The following SLC22A14 variants were observed in gnomAD, a reference collection of about 807,000 sequenced individuals.
The protein encoded by SLC22A14 is solute carrier family 22 member 14, also known as organic cation transporter-like 4.
A neutral mutation model predicts 53.9 loss-of-function variants in SLC22A14; 50 were observed. The ratio of observed to expected loss-of-function variants is 0.93; its 90% CI spans 0.74 to 1.17. SLC22A14 has a LOEUF of 1.17. Ranked by LOEUF, SLC22A14 falls within the 50% of genes most tolerant of loss-of-function variation. SLC22A14 has a pLI of 0.00. For synonymous variants in SLC22A14, 312 were observed against 303.0 expected (o/e 1.03, Z -0.31); for missense variants, 671 against 734.7 (o/e 0.91, Z 1.00).
At chr3:38,312,962 A>C (rs774236730) in intron 5 of SLC22A14, 37 bp from the exon 6 acceptor site, 1 of 1,566,232 alleles carries the variant, frequency 6.4e-7, no homozygotes, top group East Asian at 2.3e-5. Context: ...TCTGGGCATC[A>C]TAGAACGGTG....
chr3:38,300,125 A>G (rs778740752), intron 1 of SLC22A14, among the ~76,000 whole-genome samples: 25 of 152,234 alleles, frequency 1.6e-4, no homozygotes, highest in Non-Finnish European at 1.2e-4. Context: ...GCAATTCACC[A>G]GAAGCATTCA....
intron 1 of SLC22A14, among the ~76,000 whole-genome samples, chr3:38,285,909 A>G (rs1470950060): frequency 6.6e-6 from 1 of 152,232 alleles, no homozygotes; most frequent in Non-Finnish European, 1.5e-5. Flanking sequence ...TGTATGCAAG[A>G]TAGTTTTCTC....
At chr3:38,308,914 C>T (rs1704389196) in intron 4 of SLC22A14, 40 bp from the exon 5 acceptor site, 5 of 1,598,664 alleles carry the variant, frequency 3.1e-6, no homozygotes, top group Non-Finnish European at 4.3e-6. Flanking sequence ...CCTGGGGACC[C>T]TGACGTAACC....
At chr3:38,283,866 A>G (rs1484752018) in intron 1 of SLC22A14, among the ~76,000 whole-genome samples, 1 of 152,158 alleles carries the variant, frequency 6.6e-6, no homozygotes, top group African/African-American at 2.4e-5. Flanking sequence ...ATAACAAAAA[A>G]CAGAGCAGAC....
intron 1 of SLC22A14, among the ~76,000 whole-genome samples, chr3:38,294,212 C>A (rs866537304): frequency 7.3e-6 from 1 of 137,172 alleles, no homozygotes; most frequent in African/African-American, 2.8e-5. Flanking sequence ...GGGAAGGAGT[C>A]GGGGGGACAC....
intron 1 of SLC22A14, among the ~76,000 whole-genome samples, chr3:38,284,527 T>G (rs1703746586): frequency 6.6e-6 from 1 of 152,198 alleles, no homozygotes; most frequent in African/African-American, 2.4e-5. Flanking sequence ...GAAGAAACTT[T>G]CCCAGAATGC....
chr3:38,314,010 G>T, intron 8 of SLC22A14, 69 bp downstream of exon 8: 3 of 1,324,542 alleles, frequency 2.3e-6, no homozygotes. Flanking sequence ...CCCCAGTGCC[G>T]CCTGCCACGG....
Position 38,306,010 on chromosome 3 carries a change from A to T in SLC22A14, c.1-17A>T, listed in dbSNP as rs1178191553. The T allele has an allele frequency of 6.3e-7, 1 of 1,597,194 alleles. No individual in the cohort carries two copies. Among genetic ancestry groups the T allele is most frequent in the Non-Finnish European group, 8.5e-7 (1 of 1,170,650 alleles). ...GTGGTGTCAGCAGAGACTGAGCTGC[A>T]CCCTTTCTTTGGACAGATGGCAGGA... is the stretch of plus-strand genomic sequence containing the variant. On this transcript the variant is annotated splice_polypyrimidine_tract_variant and intron_variant, in intron 1 of 10. Transcript: ENST00000448498.
intron 4 of SLC22A14, among the ~76,000 whole-genome samples, chr3:38,308,581 G>A (rs1704379365): frequency 6.6e-6 from 1 of 152,228 alleles, no homozygotes; most frequent in Non-Finnish European, 1.5e-5. Context: ...GGTGGCCAAA[G>A]CACGAATACA....
At chr3:38,284,909 C>T (rs1006469189) in intron 1 of SLC22A14, among the ~76,000 whole-genome samples, 1 of 152,140 alleles carries the variant, frequency 6.6e-6, no homozygotes, top group Non-Finnish European at 1.5e-5. Context: ...ATGGGTTGCT[C>T]TTTCCGGAGG....
intron 1 of SLC22A14, among the ~76,000 whole-genome samples, chr3:38,293,092 C>T (rs1005633911): frequency 2.6e-4 from 40 of 152,184 alleles, no homozygotes; most frequent in African/African-American, 9.1e-4. Context: ...GTGCTTGCTC[C>T]GGGAACCCTC....
intron 1 of SLC22A14, among the ~76,000 whole-genome samples, chr3:38,291,805 A>G (rs1703920115): frequency 6.6e-6 from 1 of 152,354 alleles, no homozygotes; most frequent in East Asian, 1.9e-4. Flanking sequence ...TCAGGTGTCC[A>G]TCTTACTAAA....
chr3:38,299,274 C>G lies in SLC22A14; in HGVS notation c.1-6753C>G, dbSNP rs1245609525. On this transcript the variant is annotated intron_variant, in intron 1 of 10. Transcript: ENST00000448498. ...TACACAAAAAGCTATACTCAGAGAA[C>G]AGTCTCTCCCCTCCCATTCCGTCTA... is the stretch of plus-strand genomic sequence containing the variant. Among the ~76,000 whole-genome samples the G allele has an allele frequency of 2.6e-5, 4 of 152,262 alleles. No individual in the cohort carries two copies. In the East Asian group the frequency reaches 5.8e-4, roughly 22 times the overall value.
rs1345749889 is a variant in SLC22A14 at position 38,308,992 on chromosome 3, A to C, written c.814A>C (p.Ile272Leu). 1 of 1,614,178 alleles carries C rather than the reference A, an allele frequency of 6.2e-7. No individual in the cohort carries two copies. The highest frequency in any genetic ancestry group is 8.5e-7 in the Non-Finnish European group (1 of 1,179,984). The change falls in exon 5 of 11, where the codon ATT (isoleucine) becomes CTT (leucine). Residue 272 changes from isoleucine to leucine, a missense_variant. Transcript: ENST00000448498. ...AGTGGGTGAGCACCGGGCCCATGCC[A>C]TTATCCTGGGACACTGCTTTTTCGC... ...WLVGEHRAHA[I>L]ILGHCFFAVG...
In SLC22A14 at chr3:38,315,096, T is replaced by C. The variant is rs574800011; in HGVS notation, c.1379-462T>C. Among the ~76,000 whole-genome samples, 4 of 152,332 alleles carry C rather than the reference T, an allele frequency of 2.6e-5. No homozygotes were observed. The South Asian group carries it at 8.3e-4, about 32-fold the overall frequency. ...TGGCCGGAGAACATCCTGGAATGTTTGGGAGCCATCCCAGCCATTCAGGCC... is the reference window on the plus strand; with the variant it reads ...TGGCCGGAGAACATCCTGGAATGTTCGGGAGCCATCCCAGCCATTCAGGCC... On this transcript the variant is annotated intron_variant, in intron 8 of 10. Transcript: ENST00000448498.
In SLC22A14 at chr3:38,318,243, T is replaced by G. The variant is rs373208288; in HGVS notation, c.1779T>G (p.Asp593Glu). 4.5e-5 allele frequency: 73 copies of G among 1,613,826 alleles called. No individual in the cohort carries two copies. The highest frequency in any genetic ancestry group is 1.6e-4 in the Middle Eastern group (1 of 6,084). ...DMKTKETSSD[D>E]V ...AGACTAAGGAAACATCATCTGATGA[T>G]GTCTGAGGAAGCGGCCAAGAATGTC... The change falls in exon 11 of 11, where the codon GAT becomes GAG. Residue 593 changes from aspartate (D) to glutamate (E), a missense_variant. Transcript: ENST00000448498.
chr3:38,309,907 T>C (rs818815), intron 5 of SLC22A14, among the ~76,000 whole-genome samples: 124,175 of 151,958 alleles, frequency 0.82, 51,142 homozygotes, highest in Non-Finnish European at 0.88. Flanking sequence ...AAGTATGCTA[T>C]TCCCATGTCA....
At position 38,307,509 on chromosome 3, in the gene SLC22A14, C is replaced by A; in HGVS notation, c.621-57C>A. 1 of 1,602,870 alleles carries A rather than the reference C, an allele frequency of 6.2e-7. No individual in the cohort carries two copies. Among genetic ancestry groups the A allele is most frequent in the Admixed American group, 1.7e-5 (1 of 59,616 alleles). Reference sequence around the variant, plus strand: ...CAGGGCCTGGCCCAGGTGTATCCGGCTGGGGCCAGCCCGGGAGATCCCGGC... The same window carrying A: ...CAGGGCCTGGCCCAGGTGTATCCGGATGGGGCCAGCCCGGGAGATCCCGGC... On this transcript the variant is annotated intron_variant, in intron 3 of 10. Transcript: ENST00000448498. This position sits in a 1 kb window ranked among gnomAD's most constrained non-coding sequence, Gnocchi z 4.4.
At chr3:38,296,893 T>C (rs116570664) in intron 1 of SLC22A14, among the ~76,000 whole-genome samples, 9,740 of 152,158 alleles carry the variant, frequency 0.064, 368 homozygotes, top group East Asian at 0.16. Flanking sequence ...CCTGCCAGAT[T>C]CGGAGGGGTG....
Sources: gnomAD v4.1 joint callset for allele counts (sites outside exome capture counted in the v4.1 genomes callset) on GRCh38, gnomAD v4.1.1 for gene constraint, Gnocchi (gnomAD v3.1) non-coding constraint, MANE v1.5 for transcripts, NCBI Gene and HGNC (gene_info 2026-07-23, HGNC 2026-07-21) for gene names.